MAP7D2: variants seen among roughly 807,000 people sequenced by gnomAD.
MAP7D2 encodes MAP7 domain-containing protein 2.
Under a neutral mutation model 63.5 loss-of-function variants are expected in MAP7D2, and 33 were observed. The observed-to-expected ratio is 0.52, with a 90% CI of 0.39 to 0.70. The LOEUF is 0.70. MAP7D2 is among the 30% of genes least tolerant of loss of function. The pLI is 0.00. For missense variants in MAP7D2, 626 were observed against 604.0 expected (o/e 1.04, Z -0.38); for synonymous variants, 224 against 223.7 (o/e 1.00, Z -0.01).
chrX:20,081,593 A>G (rs2065778499), intron 1 of MAP7D2, among the ~76,000 whole-genome samples: 1 of 111,014 alleles, frequency 9.0e-6, no homozygotes, highest in Non-Finnish European at 1.9e-5. Context: ...TTCCCTGAGG[A>G]CAGCCCCTTC....
At chrX:20,086,939 C>A (rs2065924914) in intron 1 of MAP7D2, among the ~76,000 whole-genome samples, 1 of 111,495 alleles carries the variant, frequency 9.0e-6, no homozygotes. Flanking sequence ...ATTTGATTAT[C>A]CTAACAAATC....
chrX:20,084,591 CAG>C (rs1470741390), intron 1 of MAP7D2, among the ~76,000 whole-genome samples: 2 of 65,468 alleles, frequency 3.1e-5, no homozygotes, highest in African/African-American at 6.3e-5. Flanking sequence ...CTTTTTGAGA[CAG>C]AGTCTCACTC....
In MAP7D2 at chrX:20,066,081, C is replaced by A. The variant is rs1173902448; in HGVS notation, c.131-1276G>T. 2.7e-5 allele frequency among the ~76,000 whole-genome samples: 3 copies of A among 110,495 alleles called. No homozygotes were observed. The South Asian group carries it at 1.2e-3, about 43-fold the overall frequency. Reference sequence around the variant, plus strand: ...GGGACTACAGGCGCCCGCCACCGCGCCCGGCTAATTTTTTGTATTTTTAGT... The same window carrying A: ...GGGACTACAGGCGCCCGCCACCGCGACCGGCTAATTTTTTGTATTTTTAGT... On this transcript the variant is annotated intron_variant, in intron 1 of 16. Transcript: ENST00000379643.
intron 5 of MAP7D2, among the ~76,000 whole-genome samples, chrX:20,051,584 A>G (rs1415326760): frequency 1.8e-5 from 2 of 110,609 alleles, no homozygotes; most frequent in African/African-American, 6.6e-5. Context: ...AAAAAACAAC[A>G]ACAAAAAAAC....
intron 4 of MAP7D2, chrX:20,055,802 AGAG>A (rs1390649525): frequency 2.0e-6 from 2 of 984,160 alleles, no homozygotes; most frequent in African/African-American, 4.1e-5. Flanking sequence ...TGCTAAACCT[AGAG>A]GAGGGGGTGG....
chrX:20,053,057 G>A (rs186038234), intron 4 of MAP7D2, 69 bp from the exon 5 acceptor site: 3 of 807,865 alleles, frequency 3.7e-6, no homozygotes, highest in Non-Finnish European at 5.6e-6. Flanking sequence ...CACATATCCC[G>A]AAGTGTCCTT....
chrX:20,093,141 G>A (rs1461093823), intron 1 of MAP7D2, among the ~76,000 whole-genome samples: 1 of 111,809 alleles, frequency 8.9e-6, no homozygotes, highest in Non-Finnish European at 1.9e-5. Context: ...TTGGAAGGGT[G>A]TTCGAGGGCT....
chrX:20,039,996 T>TC (rs2064608748), intron 8 of MAP7D2, among the ~76,000 whole-genome samples: 1 of 42,753 alleles, frequency 2.3e-5, no homozygotes, highest in Non-Finnish European at 4.1e-5. Flanking sequence ...AGACTCCATC[T>TC]CAAAAAAAAA....
chrX:20,050,125 A>G (rs2064907441), intron 6 of MAP7D2, among the ~76,000 whole-genome samples: 1 of 111,781 alleles, frequency 8.9e-6, no homozygotes, highest in Non-Finnish European at 1.9e-5. Flanking sequence ...GCTCATCTGG[A>G]AACAAAGAGA....
chrX:20,030,666 C>T lies in MAP7D2; in HGVS notation c.1008-4714G>A, dbSNP rs186723852. On this transcript the variant is annotated intron_variant, in intron 8 of 16. Coordinates refer to ENST00000379643, the MANE Select transcript of MAP7D2 (RefSeq NM_001168465.2). ...TGACTCCATGCACAGTGAGTGAACA[C>T]GGCCCACTCACTGCATGGGAGGGGT... 1.3e-3 allele frequency among the ~76,000 whole-genome samples: 144 copies of T among 111,679 alleles called. 2 individuals carry two copies. In the Middle Eastern group the frequency reaches 0.014, roughly 11 times the overall value.
intron 3 of MAP7D2, among the ~76,000 whole-genome samples, chrX:20,058,673 A>C (rs1443525856): frequency 8.9e-6 from 1 of 112,096 alleles, no homozygotes; most frequent in East Asian, 2.8e-4. Flanking sequence ...TCAGACCTTG[A>C]GGAGGCCGAT....
At chrX:20,099,195 G>GC (rs1304998724) in intron 1 of MAP7D2, among the ~76,000 whole-genome samples, 4 of 110,259 alleles carry the variant, frequency 3.6e-5, no homozygotes, top group African/African-American at 1.3e-4. Context: ...GGTTGACCTT[G>GC]TGAGGGCCAA....
At chrX:20,013,512 C>A in intron 13 of MAP7D2, 57 bp downstream of exon 13, 8 of 992,833 alleles carry the variant, frequency 8.1e-6, no homozygotes, top group Non-Finnish European at 9.8e-6. Flanking sequence ...TGAGTGTATT[C>A]TGCTGTTCTT....
Position 20,007,552 on chromosome X carries a change from G to A in MAP7D2, c.*873C>T, listed in dbSNP as rs1032818144. ...GTTTTATTAAAGCTGGGCAAACACA[G>A]GAGCAAACAAAGAAAACTCCCAAGA... On this transcript the variant is annotated 3_prime_UTR_variant, in exon 17 of 17. Transcript: ENST00000379643. 9.0e-6 allele frequency: 1 copy of A among 110,999 alleles called. No homozygotes were observed. Among genetic ancestry groups the A allele is most frequent in the African/African-American group, 3.3e-5 (1 of 30,364 alleles). 9.1% of individuals were successfully genotyped at this position (110,999 alleles called of 1,213,427 possible).
At chrX:20,040,665 C>T (rs981922063) in intron 8 of MAP7D2, among the ~76,000 whole-genome samples, 1 of 111,399 alleles carries the variant, frequency 9.0e-6, no homozygotes, top group Non-Finnish European at 1.9e-5. Flanking sequence ...GGGGGAATGG[C>T]CTGTCAGTGG....
At position 20,025,945 on chromosome X, in the gene MAP7D2, T is replaced by C; in HGVS notation, c.1015A>G (p.Thr339Ala). 5.8e-6 allele frequency: 7 copies of C among 1,210,312 alleles called. No individual in the cohort carries two copies. Among genetic ancestry groups the C allele is most frequent in the Non-Finnish European group, 7.8e-6 (7 of 894,614 alleles). ...TTTGGAGACTGTGGATAAGCTTTAGTAGCTGTCCTGGAAAACAAAAAATAT... is the reference window on the plus strand; with the variant it reads ...TTTGGAGACTGTGGATAAGCTTTAGCAGCTGTCCTGGAAAACAAAAAATAT... Reference protein sequence around the residue: ...PSSPVISKTATKAYPQSPKTT... With the variant: ...PSSPVISKTAAKAYPQSPKTT... The change falls in exon 9 of 17, where the codon ACT becomes GCT. Residue 339 changes from threonine (T) to alanine (A), a missense_variant. Coordinates refer to ENST00000379643, the MANE Select transcript of MAP7D2 (RefSeq NM_001168465.2).
intron 8 of MAP7D2, 33 bp from the exon 9 acceptor site, chrX:20,025,985 A>T (rs1020368151): frequency 8.4e-7 from 1 of 1,190,616 alleles, no homozygotes; most frequent in Non-Finnish European, 1.1e-6. Flanking sequence ...GAGGATGATT[A>T]CTGGGCCTGA....
chrX:20,100,037 G>A (rs2066386111), intron 1 of MAP7D2, among the ~76,000 whole-genome samples: 1 of 111,617 alleles, frequency 9.0e-6, no homozygotes, highest in South Asian at 3.8e-4. Flanking sequence ...GGAAGCATGG[G>A]CTTTCATTTA....
At chrX:20,068,424 T>TA (rs2065414048) in intron 1 of MAP7D2, among the ~76,000 whole-genome samples, 1 of 112,168 alleles carries the variant, frequency 8.9e-6, no homozygotes, top group Non-Finnish European at 1.9e-5. Flanking sequence ...GAGTAAAGCT[T>TA]CTTCCACACA....
Sources: gnomAD v4.1 joint callset for allele counts (sites outside exome capture counted in the v4.1 genomes callset) on GRCh38, gnomAD v4.1.1 for gene constraint, MANE v1.5 for transcripts, NCBI Gene and HGNC (gene_info 2026-07-23, HGNC 2026-07-21) for gene names.